RGS9: variants seen among roughly 807,000 people sequenced by gnomAD.
The protein encoded by RGS9 is regulator of G-protein signalling 9.
A neutral mutation model predicts 102.0 loss-of-function variants in RGS9; 78 were observed. The observed-to-expected ratio is 0.76, with a 90% CI of 0.64 to 0.92. The LOEUF is 0.92. RGS9 is among the 40% of genes least tolerant of loss of function. The probability of loss-of-function intolerance (pLI) is 0.00; values close to 1 mark genes in which losing one functional copy is unlikely to be tolerated. For synonymous variants in RGS9, 353 were observed against 318.6 expected (o/e 1.11, Z -1.15); for missense variants, 833 against 866.1 (o/e 0.96, Z 0.48).
rs866117539 is a variant in RGS9 at position 65,217,674 on chromosome 17, G to A, written c.1407+7069G>A. Among the ~76,000 whole-genome samples, 7 of 152,246 alleles carry A rather than the reference G, an allele frequency of 4.6e-5. No homozygotes were observed. The South Asian group carries it at 1.4e-3, about 32-fold the overall frequency. On this transcript the variant is annotated intron_variant, in intron 17 of 18. Transcript: ENST00000262406. ...GGGTTGAGAGGAGGCATTTCCAAAG[G>A]ACAGCGTGAGGTGGGGGTGTTTGCC...
At chr17:65,210,660 T>G (rs753824884) in intron 17 of RGS9, 55 bp downstream of exon 17, 5 of 1,607,822 alleles carry the variant, frequency 3.1e-6, no homozygotes, top group Non-Finnish European at 3.4e-6. Context: ...GCCTCCTAAA[T>G]AAATCTGTGA....
intron 11 of RGS9, among the ~76,000 whole-genome samples, chr17:65,191,759 AT>A (rs200947308): frequency 7.2e-5 from 11 of 152,124 alleles, no homozygotes; most frequent in Non-Finnish European, 1.2e-4. Context: ...AAAGAAAAAA[AT>A]AAAAAAGGTC....
At chr17:65,180,357 C>CT (rs111238379) in intron 9 of RGS9, among the ~76,000 whole-genome samples, 4,199 of 151,196 alleles carry the variant, frequency 0.028, 197 homozygotes, top group African/African-American at 0.097. Context: ...CTTTTCTATT[C>CT]TTTTTTTTTG....
At chr17:65,142,787 T>C (rs1424428302) in intron 1 of RGS9, among the ~76,000 whole-genome samples, 1 of 152,138 alleles carries the variant, frequency 6.6e-6, no homozygotes, top group Non-Finnish European at 1.5e-5. Flanking sequence ...TTCACCATGT[T>C]GGTCAGGCTG....
chr17:65,193,073 C>T (rs1323387639), intron 11 of RGS9, among the ~76,000 whole-genome samples: 1 of 148,448 alleles, frequency 6.7e-6, no homozygotes, highest in Admixed American at 6.7e-5. Context: ...CCAGCCTGGG[C>T]AACTTGGCAA....
intron 17 of RGS9, among the ~76,000 whole-genome samples, chr17:65,213,329 G>C (rs1913371419): frequency 1.3e-5 from 2 of 152,188 alleles, no homozygotes; most frequent in Admixed American, 1.3e-4. Context: ...TTTGTGCTTG[G>C]CTGTGGCAGG....
chr17:65,216,377 C>T (rs1028488396), intron 17 of RGS9, among the ~76,000 whole-genome samples: 9 of 152,090 alleles, frequency 5.9e-5, no homozygotes, highest in African/African-American at 1.9e-4. Context: ...CAGTGGCTCA[C>T]GCCTGTAATC....
chr17:65,193,718 A>G lies in RGS9; in HGVS notation c.860+62A>G. ...GTTTTTGAGTTACAATTCACATGCC[A>G]TAAAATTCACCCCTTCAAAGCATAC... On this transcript the variant is annotated intron_variant, in intron 12 of 18. Coordinates refer to ENST00000262406, the MANE Select transcript of RGS9 (RefSeq NM_003835.4). 1.6e-5 allele frequency: 15 copies of G among 965,528 alleles called. No individual in the cohort carries two copies. In the South Asian group the frequency reaches 2.0e-4, roughly 13 times the overall value. 59.8% of individuals were successfully genotyped at this position (965,528 alleles called of 1,614,324 possible).
At chr17:65,150,448 C>G (rs886544127) in intron 1 of RGS9, among the ~76,000 whole-genome samples, 4 of 152,044 alleles carry the variant, frequency 2.6e-5, no homozygotes, top group African/African-American at 4.8e-5. Context: ...ATGGTAAAAC[C>G]CTGTTTCTAC....
In RGS9 at chr17:65,156,570, G is replaced by A. The variant is rs559762735; in HGVS notation, c.155-1725G>A. On this transcript the variant is annotated intron_variant, in intron 2 of 18. Coordinates refer to ENST00000262406, the MANE Select transcript of RGS9 (RefSeq NM_003835.4). ...ACGGCAGGCGTCCCAGGGCTTCCTC[G>A]GGACAAAGGTGGCTGATGCGGGAGG... 4.0e-4 allele frequency among the ~76,000 whole-genome samples: 61 copies of A among 152,328 alleles called. 1 individual carries two copies. Among genetic ancestry groups the A allele is most frequent in the Middle Eastern group, 3.4e-3 (1 of 294 alleles).
intron 8 of RGS9, among the ~76,000 whole-genome samples, chr17:65,174,350 G>A (rs1351518203): frequency 6.6e-6 from 1 of 152,232 alleles, no homozygotes; most frequent in African/African-American, 2.4e-5. Context: ...GGCATCATGA[G>A]CACAGGCTGT....
rs1208859637 is a variant in RGS9, at chr17:65,153,526, A to G, written c.154+8A>G. The G allele has an allele frequency of 6.2e-7, 1 of 1,609,620 alleles. No individual in the cohort carries two copies. Among genetic ancestry groups the G allele is most frequent in the Non-Finnish European group, 8.5e-7 (1 of 1,175,814 alleles). Reference sequence around the variant, plus strand: ...TTCCTCATGCCATGACAGGTGATGTAGCTTGCACTTTAGTCTTGGCCTGGA... The same window carrying G: ...TTCCTCATGCCATGACAGGTGATGTGGCTTGCACTTTAGTCTTGGCCTGGA... On this transcript the variant is annotated splice_region_variant and intron_variant, in intron 2 of 18. Transcript: ENST00000262406.
At chr17:65,226,987 A>G (rs1905715831) in intron 18 of RGS9, among the ~76,000 whole-genome samples, 1 of 152,198 alleles carries the variant, frequency 6.6e-6, no homozygotes, top group African/African-American at 2.4e-5. Flanking sequence ...GAATCCATCA[A>G]AACCACAGGG....
intron 1 of RGS9, among the ~76,000 whole-genome samples, chr17:65,149,128 GT>G (rs1190072448): frequency 4.8e-5 from 7 of 144,930 alleles, no homozygotes; most frequent in African/African-American, 8.0e-5. Flanking sequence ...TGCCCGGCTA[GT>G]TTTTTTTTTG....
At chr17:65,209,397 G>T (rs1035220034) in intron 16 of RGS9, among the ~76,000 whole-genome samples, 2 of 152,166 alleles carry the variant, frequency 1.3e-5, no homozygotes, top group African/African-American at 4.8e-5. Context: ...AAGAGTTCAA[G>T]GGGCTTATGT....
At chr17:65,165,074 G>C (rs889316093) in intron 7 of RGS9, among the ~76,000 whole-genome samples, 3 of 152,158 alleles carry the variant, frequency 2.0e-5, no homozygotes, top group Non-Finnish European at 2.9e-5. Flanking sequence ...CAGGGACACA[G>C]AGATGGGTAA....
At chr17:65,189,356 C>A in intron 10 of RGS9, 41 bp downstream of exon 10, 1 of 1,486,294 alleles carries the variant, frequency 6.7e-7, no homozygotes, top group Non-Finnish European at 9.4e-7. Flanking sequence ...GGTTTTAAAT[C>A]TTCTAACAGG....
At chr17:65,186,170 AT>A (rs1912111496) in intron 9 of RGS9, among the ~76,000 whole-genome samples, 1 of 123,626 alleles carries the variant, frequency 8.1e-6, no homozygotes, top group African/African-American at 3.5e-5. Flanking sequence ...CATTTTATTT[AT>A]TTATTTATTT....
At chr17:65,190,357 C>T (rs749430233) in intron 11 of RGS9, 121 bp downstream of exon 11, 17 of 833,294 alleles carry the variant, frequency 2.0e-5, no homozygotes, top group Non-Finnish European at 3.4e-5. Context: ...CTGTGAGGGA[C>T]AAAACCAGTC....
Sources: gnomAD v4.1 joint callset for allele counts (sites outside exome capture counted in the v4.1 genomes callset) on GRCh38, gnomAD v4.1.1 for gene constraint, MANE v1.5 for transcripts, NCBI Gene and HGNC (gene_info 2026-07-23, HGNC 2026-07-21) for gene names.